The following ICA1 variants were observed in gnomAD, a reference collection of about 807,000 sequenced individuals.
ICA1 encodes the protein islet cell autoantigen 1.
In ICA1, 40 loss-of-function variants were observed where a neutral mutation model predicts 71.0. The ratio of observed to expected loss-of-function variants is 0.56; its 90% CI spans 0.44 to 0.73. The LOEUF is 0.73. Ranked by LOEUF, ICA1 falls within the 30% of genes least tolerant of loss-of-function variation. The pLI is 0.00. For missense variants in ICA1, 578 were observed against 576.5 expected, an observed-to-expected ratio of 1.00 and a Z score of -0.03; for synonymous variants, 207 against 209.5, an observed-to-expected ratio of 0.99 and a Z score of 0.10.
Position 8,212,835 on chromosome 7 carries a change from T to C in ICA1, c.579+5470A>G, listed in dbSNP as rs551600481. ...TCATGCATGTTATTTTAAATGGTCT[T>C]GGCTTCACCCTAAAGCTAATTTTTG... On this transcript the variant is annotated intron_variant, in intron 6 of 13. Transcript: ENST00000402384. Among the ~76,000 whole-genome samples the C allele has an allele frequency of 2.0e-5, 3 of 152,320 alleles. No homozygotes were observed. The East Asian group carries it at 5.8e-4, about 29-fold the overall frequency.
intron 1 of ICA1, among the ~76,000 whole-genome samples, chr7:8,240,421 C>T (rs757912476): frequency 2.5e-4 from 38 of 152,172 alleles, no homozygotes; most frequent in Non-Finnish European, 4.4e-4. Context: ...AGGTCATCAA[C>T]ATCAAAGACC....
In ICA1 at chr7:8,234,310, A is replaced by G. The variant is rs1801170949; in HGVS notation, c.18-1555T>C. On this transcript the variant is annotated intron_variant, in intron 2 of 13. Transcript: ENST00000402384. The surrounding 1 kb of genome is among the most constrained non-coding windows in gnomAD (Gnocchi z 4.5). The stretch of plus-strand genomic sequence containing the variant: ...TAAAAGTGATTGGAGTACCCCAAAT[A>G]TGGCTGGAAAGTTTGCTGATGGAGT... 1.3e-5 allele frequency among the ~76,000 whole-genome samples: 2 copies of G among 152,230 alleles called. No homozygotes were observed. Among genetic ancestry groups the G allele is most frequent in the African/African-American group, 2.4e-5 (1 of 41,474 alleles).
At position 8,235,901 on chromosome 7, in the gene ICA1, A is replaced by G. The variant is rs1327917996; in HGVS notation, c.17+9T>C. 3.1e-6 allele frequency: 5 copies of G among 1,613,106 alleles called. No homozygotes were observed. Among genetic ancestry groups the G allele is most frequent in the Middle Eastern group, 1.7e-4 (1 of 6,000 alleles). On this transcript the variant is annotated intron_variant, in intron 2 of 13. Transcript: ENST00000402384. ...TTTCCCAATTCAGAAAAGATGACAA[A>G]TTACTTACCATTTGTGTCCTGACAT... is the stretch of plus-strand genomic sequence containing the variant.
chr7:8,138,098 T>C (rs1794022265), intron 12 of ICA1, among the ~76,000 whole-genome samples: 1 of 152,192 alleles, frequency 6.6e-6, no homozygotes, highest in African/African-American at 2.4e-5. Context: ...CTTGGTCAGA[T>C]GGAGAGCTAA....
intron 6 of ICA1, among the ~76,000 whole-genome samples, chr7:8,167,742 T>C (rs1164673452): frequency 2.0e-5 from 3 of 152,182 alleles, no homozygotes; most frequent in African/African-American, 7.2e-5. Flanking sequence ...TTCCACTGAC[T>C]AGACCAGGGA....
At chr7:8,126,313 C>A (rs892307229) in intron 13 of ICA1, among the ~76,000 whole-genome samples, 2 of 152,166 alleles carry the variant, frequency 1.3e-5, no homozygotes, top group Non-Finnish European at 2.9e-5. Context: ...GGCTTCTTAG[C>A]ACCTCCACCA....
At chr7:8,169,884 G>A (rs1356076795) in intron 6 of ICA1, among the ~76,000 whole-genome samples, 1 of 131,316 alleles carries the variant, frequency 7.6e-6, no homozygotes, top group African/African-American at 2.7e-5. Context: ...GGTTGTGTGT[G>A]TGTGTTTTAA....
intron 13 of ICA1, among the ~76,000 whole-genome samples, chr7:8,124,409 G>T (rs556103188): frequency 6.7e-6 from 1 of 149,664 alleles, no homozygotes; most frequent in South Asian, 2.1e-4. Context: ...ATGAGCCACC[G>T]CGCCCAGCCG....
chr7:8,126,395 G>T (rs1407598350), intron 13 of ICA1, among the ~76,000 whole-genome samples: 3 of 152,166 alleles, frequency 2.0e-5, no homozygotes, highest in African/African-American at 7.2e-5. Flanking sequence ...ATGAGGTGGT[G>T]AAACCTGGGG....
intron 6 of ICA1, among the ~76,000 whole-genome samples, chr7:8,163,207 A>G (rs1804563516): frequency 6.6e-6 from 1 of 152,236 alleles, no homozygotes; most frequent in Non-Finnish European, 1.5e-5. Flanking sequence ...CTAACCTGAA[A>G]TTCTAACTCT....
At chr7:8,216,912 AC>A (rs1434076527) in intron 6 of ICA1, among the ~76,000 whole-genome samples, 1 of 152,176 alleles carries the variant, frequency 6.6e-6, no homozygotes, top group Non-Finnish European at 1.5e-5. Flanking sequence ...AATGATAAGC[AC>A]TCTGCCCTGC....
intron 1 of ICA1, 31 bp from the exon 2 acceptor site, chr7:8,236,036 C>T (rs934020358): frequency 5.3e-6 from 6 of 1,129,198 alleles, no homozygotes; most frequent in Middle Eastern, 5.5e-4. Flanking sequence ...TTAATAGTTA[C>T]ACACCATATT....
rs757603818 is a variant in ICA1 at position 8,144,508 on chromosome 7, C to G, written c.805-536G>C. 2.0e-5 allele frequency among the ~76,000 whole-genome samples: 3 copies of G among 152,224 alleles called. No individual in the cohort carries two copies. Among genetic ancestry groups the G allele is most frequent in the Non-Finnish European group, 2.9e-5 (2 of 68,042 alleles). On this transcript the variant is annotated intron_variant, in intron 8 of 13. Transcript: ENST00000402384. This position sits in a 1 kb window ranked among gnomAD's most constrained non-coding sequence, Gnocchi z 4.5. ...ACCAAAAATAGTGGCTTAACATATT[C>G]TGACAACCTAACTCCCACGAGTGGA...
At chr7:8,212,497 G>A (rs546334702) in intron 6 of ICA1, among the ~76,000 whole-genome samples, 723 of 5,452 alleles carry the variant, frequency 0.13, 5 homozygotes, top group African/African-American at 0.41. Flanking sequence ...CCTGGGAAGC[G>A]GAGGTTGCAG....
At chr7:8,242,706 G>A (rs1422883466) in intron 1 of ICA1, among the ~76,000 whole-genome samples, 1 of 152,096 alleles carries the variant, frequency 6.6e-6, no homozygotes, top group Admixed American at 6.5e-5. Flanking sequence ...GAATCAAACA[G>A]ATGCAATAAA....
intron 6 of ICA1, among the ~76,000 whole-genome samples, chr7:8,176,528 GA>G (rs1780682417): frequency 6.6e-6 from 1 of 152,172 alleles, no homozygotes; most frequent in South Asian, 2.1e-4. Flanking sequence ...CACGAAGGGG[GA>G]AACCACAGCA....
chr7:8,168,718 C>T (rs1280417072), intron 6 of ICA1, among the ~76,000 whole-genome samples: 1 of 152,088 alleles, frequency 6.6e-6, no homozygotes, highest in African/African-American at 2.4e-5. Context: ...AAGAAATTAG[C>T]CCATCAAATT....
chr7:8,225,612 T>C (rs566431240), intron 4 of ICA1, among the ~76,000 whole-genome samples: 2 of 152,206 alleles, frequency 1.3e-5, no homozygotes, highest in Admixed American at 1.3e-4. Context: ...TTCTAGGTCA[T>C]GTCAGCTCAC....
chr7:8,153,198 G>T (rs1387427160), intron 8 of ICA1, among the ~76,000 whole-genome samples: 1 of 152,144 alleles, frequency 6.6e-6, no homozygotes, highest in African/African-American at 2.4e-5. Flanking sequence ...CAAAACCAGA[G>T]GAAATGAAGA....
Sources: gnomAD v4.1 joint callset for allele counts (sites outside exome capture counted in the v4.1 genomes callset) on GRCh38, gnomAD v4.1.1 for gene constraint, Gnocchi (gnomAD v3.1) non-coding constraint, MANE v1.5 for transcripts, NCBI Gene and HGNC (gene_info 2026-07-23, HGNC 2026-07-21) for gene names.